Variants in ALDH1L1 observed in about 807,000 individuals in gnomAD.
ALDH1L1 encodes cytosolic 10-formyltetrahydrofolate dehydrogenase.
ALDH1L1 carries 68 observed loss-of-function variants against 101.1 expected under a neutral mutation model. That is an observed-to-expected ratio of 0.67 (90% confidence interval 0.55 to 0.82). ALDH1L1 has a LOEUF of 0.82. Ranked by LOEUF, ALDH1L1 falls within the 40% of genes least tolerant of loss-of-function variation. The pLI, the probability that ALDH1L1 is intolerant of heterozygous loss-of-function variation, is 0.00. For missense variants in ALDH1L1, 1,087 were observed against 1,172.7 expected, an observed-to-expected ratio of 0.93 and a Z score of 1.07; for synonymous variants, 486 against 470.8, an observed-to-expected ratio of 1.03 and a Z score of -0.42.
At chr3:126,194,610 A>G (rs1264188263) in intron 1 of ALDH1L1, among the ~76,000 whole-genome samples, 1 of 152,220 alleles carries the variant, frequency 6.6e-6, no homozygotes, top group African/African-American at 2.4e-5. Flanking sequence ...GAAAAACTGA[A>G]TAATACCCCT....
intron 1 of ALDH1L1, among the ~76,000 whole-genome samples, chr3:126,189,774 T>C (rs2081541573): frequency 6.6e-6 from 1 of 152,230 alleles, no homozygotes; most frequent in South Asian, 2.1e-4. Context: ...AGTTCTATTT[T>C]TAAGGGCACA....
intron 12 of ALDH1L1, among the ~76,000 whole-genome samples, chr3:126,133,606 C>T (rs1184634432): frequency 6.6e-6 from 1 of 152,232 alleles, no homozygotes; most frequent in Non-Finnish European, 1.5e-5. Flanking sequence ...TGAGAGGCTG[C>T]CTTGCAGGAC....
In ALDH1L1 at chr3:126,131,536, T is replaced by C. The variant is rs2080305980; in HGVS notation, c.1473-2A>G. The C allele has an allele frequency of 1.2e-6, 2 of 1,604,220 alleles. No homozygotes were observed. Among genetic ancestry groups the C allele is most frequent in the Non-Finnish European group, 1.7e-6 (2 of 1,172,022 alleles). On this transcript the variant is annotated splice_acceptor_variant, in intron 12 of 22. Coordinates refer to ENST00000393434, the MANE Select transcript of ALDH1L1 (RefSeq NM_012190.4). LOFTEE classifies it high-confidence loss of function. Reference sequence around the variant, plus strand: ...TGCTGCTCCATGAGATCTGCCAACCTGACCAGGGTGAGGGGAAGCGGGAGG... The same window carrying C: ...TGCTGCTCCATGAGATCTGCCAACCCGACCAGGGTGAGGGGAAGCGGGAGG...
chr3:126,118,035 G>A lies in ALDH1L1; in HGVS notation c.1952C>T (p.Ser651Phe). ...PDVRKIGFTG[S>F]TEVGKHIMKS... ...CATGATGTGCTTGCCCACCTCTGTGGAGCCTGTGAACCCGATTTTCCTCAC... is the reference window on the plus strand; with the variant it reads ...CATGATGTGCTTGCCCACCTCTGTGAAGCCTGTGAACCCGATTTTCCTCAC... Residue 651 changes from serine to phenylalanine, a missense_variant, in exon 17 of 23, where the codon TCC (serine) becomes TTC (phenylalanine). By Grantham distance (155) the Ser-to-Phe change is radical. Coordinates refer to ENST00000393434, the MANE Select transcript of ALDH1L1 (RefSeq NM_012190.4). 6.2e-7 allele frequency: 1 copy of A among 1,614,006 alleles called. No homozygotes were observed. The highest frequency in any genetic ancestry group is 8.5e-7 in the Non-Finnish European group (1 of 1,179,994).
At chr3:126,122,420 G>A (rs1013586639) in intron 16 of ALDH1L1, among the ~76,000 whole-genome samples, 2 of 152,170 alleles carry the variant, frequency 1.3e-5, no homozygotes, top group African/African-American at 2.4e-5. Flanking sequence ...AAGCAGAAAG[G>A]AGGTAGGTGG....
At chr3:126,147,845 G>A (rs1484600702) in intron 8 of ALDH1L1, among the ~76,000 whole-genome samples, 2 of 152,070 alleles carry the variant, frequency 1.3e-5, no homozygotes, top group African/African-American at 2.4e-5. Context: ...TCCTCAGGGC[G>A]AGCATCAACA....
chr3:126,117,376 G>A (rs2079990749), intron 17 of ALDH1L1, among the ~76,000 whole-genome samples: 1 of 152,018 alleles, frequency 6.6e-6, no homozygotes, highest in Non-Finnish European at 1.5e-5. Context: ...TGAAGGCAGA[G>A]CACAGTGGCT....
intron 1 of ALDH1L1, among the ~76,000 whole-genome samples, chr3:126,168,872 G>C (rs1192564082): frequency 6.6e-6 from 1 of 152,106 alleles, no homozygotes; most frequent in Non-Finnish European, 1.5e-5. Context: ...GTTATGTTGG[G>C]TTATTGTAAA....
At chr3:126,164,855 C>T (rs973293559) in intron 1 of ALDH1L1, among the ~76,000 whole-genome samples, 3 of 152,126 alleles carry the variant, frequency 2.0e-5, no homozygotes, top group African/African-American at 4.8e-5. Context: ...AGTGTATAAG[C>T]GTTGTTTTCT....
At chr3:126,137,613 A>T (rs114115737) in intron 10 of ALDH1L1, among the ~76,000 whole-genome samples, 200 bp downstream of exon 10, 6,855 of 152,280 alleles carry the variant, frequency 0.045, 499 homozygotes, top group African/African-American at 0.16. Context: ...TCAGACAGCA[A>T]CATCCTCTGG....
At chr3:126,118,618 AG>A (rs2080022031) in intron 16 of ALDH1L1, among the ~76,000 whole-genome samples, 1 of 152,118 alleles carries the variant, frequency 6.6e-6, no homozygotes, top group African/African-American at 2.4e-5. Context: ...TGGTAGCCCA[AG>A]CAAATCAACC....
chr3:126,105,628 G>C, intron 22 of ALDH1L1, 98 bp downstream of exon 22: 4 of 1,370,034 alleles, frequency 2.9e-6, no homozygotes, highest in Non-Finnish European at 4.2e-6. Context: ...TCAAGGCTAC[G>C]TCCCTGCATC....
At chr3:126,159,777 G>A (rs1301482808) in intron 2 of ALDH1L1, among the ~76,000 whole-genome samples, 11 of 152,200 alleles carry the variant, frequency 7.2e-5, no homozygotes, top group Non-Finnish European at 1.5e-4. Flanking sequence ...CTGTGGTGGG[G>A]TCAGGGTATG....
At chr3:126,188,016 G>C (rs569122746) in intron 1 of ALDH1L1, among the ~76,000 whole-genome samples, 42 of 152,330 alleles carry the variant, frequency 2.8e-4, no homozygotes, top group Admixed American at 2.6e-4. Context: ...GCTGCTACAC[G>C]GTCAGGCTGC....
chr3:126,166,198 A>G (rs1049725684), intron 1 of ALDH1L1, among the ~76,000 whole-genome samples: 1 of 147,570 alleles, frequency 6.8e-6, no homozygotes, highest in African/African-American at 2.5e-5. Context: ...AACCAGTCAA[A>G]CCTCCCCTGC....
intron 13 of ALDH1L1, among the ~76,000 whole-genome samples, chr3:126,130,714 T>C (rs1576436801): frequency 6.6e-6 from 1 of 152,160 alleles, no homozygotes; most frequent in African/African-American, 2.4e-5. Flanking sequence ...GTCGCTGTCA[T>C]GCCCTGGTGG....
At chr3:126,155,379 G>T in intron 5 of ALDH1L1, 23 bp downstream of exon 5, 1 of 1,602,678 alleles carries the variant, frequency 6.2e-7, no homozygotes, top group Non-Finnish European at 8.5e-7. Flanking sequence ...CAGGATGAGG[G>T]TGTGGAGGGA....
chr3:126,125,462 G>A (rs2080162408), intron 15 of ALDH1L1, among the ~76,000 whole-genome samples, 154 bp downstream of exon 15: 2 of 152,228 alleles, frequency 1.3e-5, no homozygotes, highest in Non-Finnish European at 2.9e-5. Context: ...TCTGCCCACT[G>A]AGAGTGGGGC....
At chr3:126,126,842 A>G (rs2080197050) in intron 14 of ALDH1L1, among the ~76,000 whole-genome samples, 5 of 152,220 alleles carry the variant, frequency 3.3e-5, no homozygotes, top group Admixed American at 1.3e-4. Flanking sequence ...AGGATGTGGT[A>G]GCACTGGGGT....
Sources: allele counts gnomAD v4.1 joint callset (sites outside exome capture counted in the v4.1 genomes callset), GRCh38; gene constraint gnomAD v4.1.1; transcripts MANE v1.5; gene names NCBI Gene and HGNC (gene_info 2026-07-23, HGNC 2026-07-21).